CALN1: variants seen among roughly 807,000 people sequenced by gnomAD.
CALN1 encodes the protein calneuron 1.
Under a neutral mutation model 30.6 loss-of-function variants are expected in CALN1, and 17 were observed. The ratio of observed to expected loss-of-function variants is 0.56; its 90% CI spans 0.38 to 0.83. CALN1 has a LOEUF of 0.83. Ranked by LOEUF, CALN1 falls within the 40% of genes least tolerant of loss-of-function variation. CALN1 has a pLI of 0.00. For missense variants in CALN1, 291 were observed against 354.9 expected, an observed-to-expected ratio of 0.82 and a Z score of 1.45; for synonymous variants, 156 against 131.4, an observed-to-expected ratio of 1.19 and a Z score of -1.28.
chr7:72,075,023 G>C (rs1804641196), intron 4 of CALN1, among the ~76,000 whole-genome samples: 1 of 152,206 alleles, frequency 6.6e-6, no homozygotes, highest in African/African-American at 2.4e-5. Flanking sequence ...AGAGCTGATG[G>C]TGTCATTCCA....
At chr7:72,064,519 G>C (rs1304418326) in intron 4 of CALN1, among the ~76,000 whole-genome samples, 1 of 152,124 alleles carries the variant, frequency 6.6e-6, no homozygotes, top group Non-Finnish European at 1.5e-5. Flanking sequence ...AGGTGGGGAA[G>C]GGTTTTGTAG....
In CALN1 at chr7:71,804,397, A is replaced by C. The variant is rs2116108490; in HGVS notation, c.658+5939T>G. Among the ~76,000 whole-genome samples the C allele has an allele frequency of 1.3e-5, 2 of 152,080 alleles. 1 individual carries two copies. The highest frequency in any genetic ancestry group is 3.9e-4 in the East Asian group (2 of 5,156). On this transcript the variant is annotated intron_variant, in intron 6 of 6. Transcript: ENST00000395275. ...GTGGCACATGCCTCTAGTCCCAGCTACTCAGGAGGCTGAAGCAGGAGGATT... is the reference window on the plus strand; with the variant it reads ...GTGGCACATGCCTCTAGTCCCAGCTCCTCAGGAGGCTGAAGCAGGAGGATT...
At chr7:72,400,021 A>G (rs1340287467) in intron 2 of CALN1, among the ~76,000 whole-genome samples, 2 of 152,208 alleles carry the variant, frequency 1.3e-5, no homozygotes, top group African/African-American at 4.8e-5. Context: ...TGAGGTCCTC[A>G]GCAGAAGCAG....
intron 6 of CALN1, among the ~76,000 whole-genome samples, chr7:71,809,579 T>A (rs7777540): frequency 0.17 from 26,243 of 151,474 alleles, 3,345 homozygotes; most frequent in East Asian, 0.6. Context: ...TAATTAAAAA[T>A]TTTTTTTCTA....
chr7:72,406,622 T>TTC (rs5884889), intron 1 of CALN1, among the ~76,000 whole-genome samples: 30,765 of 92,148 alleles, frequency 0.33, 3,476 homozygotes, highest in African/African-American at 0.35. Context: ...CAGCTTTTTT[T>TTC]TTTTTCTTTT....
intron 5 of CALN1, among the ~76,000 whole-genome samples, chr7:71,846,197 A>G (rs1379294535): frequency 1.3e-5 from 2 of 152,184 alleles, no homozygotes; most frequent in Non-Finnish European, 1.5e-5. Flanking sequence ...GAATCGCCCT[A>G]TGAAGCGAAA....
intron 5 of CALN1, among the ~76,000 whole-genome samples, chr7:71,971,954 AAAGAAAG>A (rs1562946583): frequency 1.5e-4 from 8 of 54,540 alleles, no homozygotes; most frequent in South Asian, 8.1e-4. Context: ...AAAAAAAAAA[AAAGAAAG>A]AAAGAAAGAA....
intron 4 of CALN1, among the ~76,000 whole-genome samples, chr7:72,083,738 G>A (rs570618468): frequency 1.3e-5 from 2 of 152,212 alleles, no homozygotes; most frequent in Admixed American, 6.5e-5. Flanking sequence ...GGCCAACATG[G>A]TGAAACCCCC....
intron 5 of CALN1, among the ~76,000 whole-genome samples, chr7:71,894,556 C>T (rs1208130345): frequency 6.6e-6 from 1 of 152,170 alleles, no homozygotes; most frequent in Non-Finnish European, 1.5e-5. Context: ...CAGGCATGAG[C>T]CACCATACCC....
intron 2 of CALN1, among the ~76,000 whole-genome samples, chr7:72,395,959 C>G (rs940808104): frequency 6.6e-6 from 1 of 152,016 alleles, no homozygotes; most frequent in Non-Finnish European, 1.5e-5. Flanking sequence ...TTTTAACTCA[C>G]CAGATACATT....
chr7:72,308,850 G>C (rs1400385176), intron 2 of CALN1, among the ~76,000 whole-genome samples: 1 of 152,106 alleles, frequency 6.6e-6, no homozygotes, highest in Non-Finnish European at 1.5e-5. Context: ...AGCTTCCCTG[G>C]GGATCATTCC....
chr7:72,284,614 A>G (rs1427304927), intron 2 of CALN1, among the ~76,000 whole-genome samples: 1 of 152,212 alleles, frequency 6.6e-6, no homozygotes, highest in East Asian at 1.9e-4. Context: ...AAGCTGGTAC[A>G]TCAGTCTTAA....
intron 2 of CALN1, among the ~76,000 whole-genome samples, chr7:72,330,775 G>A (rs1345503143): frequency 6.6e-6 from 1 of 152,100 alleles, no homozygotes; most frequent in African/African-American, 2.4e-5. Context: ...GTCCCTTAAT[G>A]AGGCTTTTTA....
At chr7:72,387,844 T>C (rs1270286843) in intron 2 of CALN1, among the ~76,000 whole-genome samples, 1 of 152,024 alleles carries the variant, frequency 6.6e-6, no homozygotes, top group Non-Finnish European at 1.5e-5. Flanking sequence ...GTTGATCCCA[T>C]AGAAGTTGAA....
At chr7:72,292,623 C>A (rs1215599995) in intron 2 of CALN1, among the ~76,000 whole-genome samples, 1 of 151,338 alleles carries the variant, frequency 6.6e-6, no homozygotes, top group Non-Finnish European at 1.5e-5. Context: ...GAATTCGAGA[C>A]CAGCCTGGCC....
At chr7:72,252,100 T>A (rs1795600243) in intron 3 of CALN1, among the ~76,000 whole-genome samples, 1 of 152,164 alleles carries the variant, frequency 6.6e-6, no homozygotes, top group African/African-American at 2.4e-5. Context: ...AATCTCCACC[T>A]GGACAGCTAA....
intron 2 of CALN1, among the ~76,000 whole-genome samples, chr7:72,376,019 T>A (rs571363278): frequency 6.6e-6 from 1 of 152,232 alleles, no homozygotes; most frequent in South Asian, 2.1e-4. Context: ...CAGCCTTCTG[T>A]GTCCAGTTTC....
intron 1 of CALN1, among the ~76,000 whole-genome samples, chr7:72,421,296 C>T (rs1807601330): frequency 6.6e-6 from 1 of 152,108 alleles, no homozygotes; most frequent in African/African-American, 2.4e-5. Flanking sequence ...CCCCACAGTC[C>T]ATTAGATCGC....
At chr7:72,478,643 G>A in the CALN1 span, among the ~76,000 whole-genome samples, 2 of 151,766 alleles carry the variant, frequency 1.3e-5, no homozygotes, top group Non-Finnish European at 2.9e-5. Flanking sequence ...GCCTAGTAAG[G>A]TGTATCAGTC....
Sources: allele counts gnomAD v4.1 joint callset (sites outside exome capture counted in the v4.1 genomes callset), GRCh38; gene constraint gnomAD v4.1.1; transcripts MANE v1.5; gene names NCBI Gene and HGNC (gene_info 2026-07-23, HGNC 2026-07-21).